SGK1: variants seen among roughly 807,000 people sequenced by gnomAD.
SGK1 encodes the protein serum/glucocorticoid regulated kinase 1.
Under a neutral mutation model 64.2 loss-of-function variants are expected in SGK1, and 26 were observed. The observed-to-expected ratio is 0.40, with a 90% CI of 0.30 to 0.56. The LOEUF is 0.56. Among genes scored for constraint, SGK1 ranks in the 20% least tolerant of loss-of-function variants. SGK1 has a pLI of 0.38. For synonymous variants in SGK1, 265 were observed against 239.7 expected (o/e 1.11, Z -0.98); for missense variants, 519 against 645.6 (o/e 0.80, Z 2.12).
intron 2 of SGK1, among the ~76,000 whole-genome samples, chr6:134,227,381 C>T (rs889640317): frequency 2.6e-5 from 4 of 152,090 alleles, no homozygotes; most frequent in Non-Finnish European, 4.4e-5. Flanking sequence ...GTGATCCACC[C>T]GCTTGGCCTC....
At chr6:134,273,168 C>T (rs1179853722) in intron 1 of SGK1, among the ~76,000 whole-genome samples, 2 of 147,604 alleles carry the variant, frequency 1.4e-5, no homozygotes, top group African/African-American at 4.9e-5. Flanking sequence ...GTGCTTGACA[C>T]CAGGTGAATC....
intron 11 of SGK1, 130 bp downstream of exon 11, chr6:134,171,507 C>A: frequency 1.5e-6 from 1 of 653,910 alleles, no homozygotes; most frequent in Non-Finnish European, 2.7e-6. Flanking sequence ...TATAAAATAA[C>A]CAATATGCCT....
At chr6:134,207,507 G>A in intron 2 of SGK1, 76 bp from the exon 3 acceptor site, 2 of 1,028,560 alleles carry the variant, frequency 1.9e-6, no homozygotes, top group Non-Finnish European at 3.0e-6. Flanking sequence ...TATAGTTCTA[G>A]AGAAAGGATT....
intron 1 of SGK1, among the ~76,000 whole-genome samples, chr6:134,312,923 C>T (rs1777627264): frequency 6.6e-6 from 1 of 152,124 alleles, no homozygotes; most frequent in Admixed American, 6.5e-5. Context: ...TGGGCGCCTG[C>T]CATCACACCT....
At chr6:134,224,028 G>GC (rs1274485644) in intron 2 of SGK1, among the ~76,000 whole-genome samples, 1 of 152,136 alleles carries the variant, frequency 6.6e-6, no homozygotes, top group Non-Finnish European at 1.5e-5. Context: ...CTCACTCTTG[G>GC]CAGACCTTGC....
chr6:134,211,897 A>T lies in SGK1; in HGVS notation c.286-4466T>A, dbSNP rs989756530. Among the ~76,000 whole-genome samples, 254 of 151,202 alleles carry T rather than the reference A, an allele frequency of 1.7e-3. 2 individuals are homozygous for T. Among genetic ancestry groups the T allele is most frequent in the African/African-American group, 5.8e-3 (238 of 41,294 alleles). On this transcript the variant is annotated intron_variant, in intron 2 of 13. Transcript: ENST00000367858. ...ACAAGGAAAAAAAAAAAAAAAAAAA[A>T]AAATCCCTCCTACCTGACTAAGCAG...
At chr6:134,279,356 G>A (rs1391784150) in intron 1 of SGK1, among the ~76,000 whole-genome samples, 1 of 151,980 alleles carries the variant, frequency 6.6e-6, no homozygotes, top group African/African-American at 2.4e-5. Context: ...ACTTGAACCC[G>A]GGAGGTAGAG....
At chr6:134,296,346 C>G (rs1183894554) in intron 1 of SGK1, among the ~76,000 whole-genome samples, 1 of 152,072 alleles carries the variant, frequency 6.6e-6, no homozygotes, top group Non-Finnish European at 1.5e-5. Flanking sequence ...AATTTTAGCT[C>G]ACTGCAGCAT....
chr6:134,289,360 C>T (rs1169849654), intron 1 of SGK1, among the ~76,000 whole-genome samples: 1 of 152,150 alleles, frequency 6.6e-6, no homozygotes, highest in Non-Finnish European at 1.5e-5. Flanking sequence ...GGGGGATAAA[C>T]AGATGAATAA....
At chr6:134,316,495 A>G (rs1224923774) in intron 1 of SGK1, among the ~76,000 whole-genome samples, 1 of 152,116 alleles carries the variant, frequency 6.6e-6, no homozygotes, top group African/African-American at 2.4e-5. Context: ...CATTCCTTTA[A>G]CAATCATTCA....
intron 1 of SGK1, among the ~76,000 whole-genome samples, chr6:134,306,974 G>A (rs1359042121): frequency 3.3e-5 from 5 of 150,806 alleles, no homozygotes; most frequent in Admixed American, 3.3e-4. Context: ...TATTTCAAAG[G>A]ATATTAACTT....
intron 2 of SGK1, among the ~76,000 whole-genome samples, chr6:134,252,643 C>T (rs926528371): frequency 2.4e-5 from 3 of 126,888 alleles, no homozygotes; most frequent in Non-Finnish European, 4.8e-5. Flanking sequence ...AAAAAAAAGC[C>T]GCAGACAGGA....
chr6:134,302,544 AC>A (rs1777473668), intron 1 of SGK1, among the ~76,000 whole-genome samples: 1 of 152,178 alleles, frequency 6.6e-6, no homozygotes, highest in Admixed American at 6.5e-5. Flanking sequence ...TTGTCTTCAG[AC>A]CGACTCATCA....
chr6:134,213,965 C>T (rs1253838531), intron 2 of SGK1, among the ~76,000 whole-genome samples: 2 of 152,150 alleles, frequency 1.3e-5, no homozygotes, highest in Non-Finnish European at 2.9e-5. Context: ...TACCTATCAA[C>T]CAACTTTAAC....
In SGK1 at chr6:134,284,491, C is replaced by CTTTCT. The variant is rs1554227172; in HGVS notation, c.70-22344_70-22343insAGAAA. ...TGGCTTTTTCTTTCTTTCTTTCTTT[C>CTTTCT]TTTTTTTTTTTTGAGATAGAGTCTC... On this transcript the variant is annotated intron_variant, in intron 1 of 13. Transcript: ENST00000367858. Among the ~76,000 whole-genome samples the CTTTCT allele has an allele frequency of 4.1e-4, 58 of 143,122 alleles. 1 individual carries two copies. The South Asian group carries it at 5.3e-3, about 13-fold the overall frequency. The allele number at this position is 143,122 out of a possible 152,430, so 93.9% of individuals were successfully genotyped here. A position where few individuals can be genotyped will look rare whatever the true frequency, so the allele number is the denominator to read the frequency against.
chr6:134,174,481 A>T, intron 4 of SGK1, 30 bp downstream of exon 4: 2 of 1,531,146 alleles, frequency 1.3e-6, no homozygotes, highest in Non-Finnish European at 1.8e-6. Flanking sequence ...AAACTATACT[A>T]GTTATTTCCT....
Position 134,170,284 on chromosome 6 carries a change from G to T in SGK1, c.1565C>A (p.Thr522Lys), listed in dbSNP as rs144542860. The T allele has an allele frequency of 6.2e-7, 1 of 1,612,876 alleles. No individual in the cohort carries two copies. Among genetic ancestry groups the T allele is most frequent in the East Asian group, 2.2e-5 (1 of 44,864 alleles). Reference sequence around the variant, plus strand: ...TAACAGGGTTCAGAGGAAAGAGTCCGTGGGAGGCGCATAGGAAAAGCCTAG... The same window carrying T: ...TAACAGGGTTCAGAGGAAAGAGTCCTTGGGAGGCGCATAGGAAAAGCCTAG... ...AFLGFSYAPP[T>K]DSFL Residue 522 changes from threonine (T) to lysine (K), a missense_variant, in exon 14 of 14, where the codon ACG becomes AAG. Coordinates refer to ENST00000367858, the MANE Select transcript of SGK1 (RefSeq NM_001143676.3).
intron 2 of SGK1, among the ~76,000 whole-genome samples, chr6:134,224,237 T>C (rs566372318): frequency 6.6e-5 from 10 of 152,372 alleles, no homozygotes; most frequent in Admixed American, 6.5e-4. Flanking sequence ...AAGTTAATCA[T>C]ACATCTCGAC....
intron 1 of SGK1, among the ~76,000 whole-genome samples, chr6:134,267,778 G>A (rs1341028910): frequency 6.6e-6 from 1 of 150,382 alleles, no homozygotes; most frequent in Non-Finnish European, 1.5e-5. Flanking sequence ...AAGGGATATG[G>A]AGAAATACTC....
Sources: allele counts gnomAD v4.1 joint callset (sites outside exome capture counted in the v4.1 genomes callset), GRCh38; gene constraint gnomAD v4.1.1; transcripts MANE v1.5; gene names NCBI Gene and HGNC (gene_info 2026-07-23, HGNC 2026-07-21).